The following USP25 variants were observed in gnomAD, a reference collection of about 807,000 sequenced individuals.
USP25 encodes the protein ubiquitin carboxyl-terminal hydrolase 25.
Under a neutral mutation model 158.5 loss-of-function variants are expected in USP25, and 85 were observed. The observed-to-expected ratio is 0.54, with a 90% CI of 0.45 to 0.64. The LOEUF (loss-of-function observed/expected upper bound fraction) is 0.64, where lower values mean the gene tolerates loss of function less well. Ranked by LOEUF, USP25 falls within the 30% of genes least tolerant of loss-of-function variation. The pLI, the probability that USP25 is intolerant of heterozygous loss-of-function variation, is 0.00. For missense variants in USP25, 1,242 were observed against 1,327.3 expected, an observed-to-expected ratio of 0.94 and a Z score of 1.00; for synonymous variants, 464 against 460.4, an observed-to-expected ratio of 1.01 and a Z score of -0.10.
At chr21:15,861,877 G>A (rs1243328644) in intron 20 of USP25, among the ~76,000 whole-genome samples, 1 of 152,040 alleles carries the variant, frequency 6.6e-6, no homozygotes, top group East Asian at 1.9e-4. Context: ...ACCTCTGCTG[G>A]TTTAAACACC....
chr21:15,874,476 A>G lies in USP25; in HGVS notation c.2959A>G (p.Arg987Gly), dbSNP rs2040020848. ...AGAACTCTTGTCTAAAGGCTTATAC[A>G]GAGGACATGATGAAGAATTGATATC... is the stretch of plus-strand genomic sequence containing the variant. The part of the protein sequence containing the change: ...NKELLSKGLY[R>G]GHDEELISHY... Residue 987 changes from arginine to glycine, a missense_variant, in exon 24 of 26, where the codon AGA becomes GGA. Around this residue, in one of 3 missense-constraint regions of USP25, gnomAD observed 608 missense variants for 605.2 expected, o/e 1.00. Transcript: ENST00000400183. 4.3e-6 allele frequency: 7 copies of G among 1,610,806 alleles called. No homozygotes were observed. The African/African-American group carries it at 5.3e-5, about 12-fold the overall frequency.
intron 2 of USP25, among the ~76,000 whole-genome samples, chr21:15,764,482 C>A (rs951745071): frequency 4.0e-5 from 6 of 151,892 alleles, no homozygotes; most frequent in Admixed American, 3.3e-4. Flanking sequence ...TTAATTGTTG[C>A]CCATTATAAA....
intron 1 of USP25, chr21:15,745,022 T>A (rs930440520): frequency 6.6e-6 from 1 of 152,144 alleles, no homozygotes; most frequent in South Asian, 2.1e-4. Flanking sequence ...ACGGCCTCCA[T>A]CCCCGCCACT....
intron 17 of USP25, 122 bp downstream of exon 17, chr21:15,833,670 A>T (rs2037921762): frequency 1.1e-6 from 1 of 878,654 alleles, no homozygotes; most frequent in Non-Finnish European, 1.7e-6. Flanking sequence ...ATCATTTCAA[A>T]TTCCATCACT....
chr21:15,808,277 A>G (rs114435077), intron 7 of USP25, among the ~76,000 whole-genome samples: 1,766 of 152,310 alleles, frequency 0.012, 34 homozygotes, highest in African/African-American at 0.041. Context: ...GACCAAAGGC[A>G]TGGTGAAAGG....
At chr21:15,824,687 G>A (rs2037408477) in intron 11 of USP25, among the ~76,000 whole-genome samples, 1 of 152,052 alleles carries the variant, frequency 6.6e-6, no homozygotes, top group Non-Finnish European at 1.5e-5. Flanking sequence ...TGCGATCTTG[G>A]CTCACTGCAA....
rs114286599 is a variant in USP25, at chr21:15,819,144, C to T, written c.1080+298C>T. On this transcript the variant is annotated intron_variant, in intron 10 of 25. Coordinates refer to ENST00000400183, the MANE Select transcript of USP25 (RefSeq NM_001283041.3). ...CCAGCCATTAGCAGCATGCTAGTTC[C>T]TCGATATAAAGAAGAAAAATCCTGA... Among the ~76,000 whole-genome samples, 314 of 152,204 alleles carry T rather than the reference C, an allele frequency of 2.1e-3. 1 individual carries two copies. The highest frequency in any genetic ancestry group is 7.3e-3 in the African/African-American group (303 of 41,544).
intron 9 of USP25, among the ~76,000 whole-genome samples, chr21:15,813,601 C>T (rs2036783947): frequency 6.6e-6 from 1 of 152,094 alleles, no homozygotes; most frequent in Non-Finnish European, 1.5e-5. Flanking sequence ...TTCGTTTTTT[C>T]TTGGCTTTTG....
chr21:15,837,632 A>G (rs2038119135), intron 17 of USP25, among the ~76,000 whole-genome samples: 2 of 152,204 alleles, frequency 1.3e-5, no homozygotes, highest in South Asian at 4.1e-4. Context: ...CCGAGTTACT[A>G]TTTTACTTAT....
chr21:15,764,881 TG>T (rs1388596798), intron 2 of USP25, among the ~76,000 whole-genome samples: 1 of 152,070 alleles, frequency 6.6e-6, no homozygotes, highest in East Asian at 1.9e-4. Flanking sequence ...CAACTGGAAT[TG>T]GGGTAGGTCT....
At chr21:15,865,602 C>T (rs2039621144) in intron 21 of USP25, among the ~76,000 whole-genome samples, 1 of 152,024 alleles carries the variant, frequency 6.6e-6, no homozygotes, top group African/African-American at 2.4e-5. Context: ...TTGTTGTGAC[C>T]CTCGTTATCT....
chr21:15,872,766 A>G (rs1211894239), intron 23 of USP25, among the ~76,000 whole-genome samples: 2 of 152,194 alleles, frequency 1.3e-5, no homozygotes, highest in Non-Finnish European at 2.9e-5. Flanking sequence ...GAATGTATAC[A>G]TTAATTTTTA....
chr21:15,804,321 A>G (rs1026112773), intron 6 of USP25, among the ~76,000 whole-genome samples: 4 of 151,578 alleles, frequency 2.6e-5, no homozygotes, highest in African/African-American at 9.7e-5. Flanking sequence ...TTTCAGAGGA[A>G]TATTAGGAGG....
Position 15,743,131 on chromosome 21 carries a change from G to T in USP25, c.45+12693G>T, listed in dbSNP as rs191063229. Among the ~76,000 whole-genome samples the T allele has an allele frequency of 2.6e-5, 4 of 152,280 alleles. No individual in the cohort carries two copies. In the East Asian group the frequency reaches 7.7e-4, roughly 29 times the overall value. Reference sequence around the variant, plus strand: ...GTTAGAGCTTGTTTATTCCTGCTGCGCATGGCTTTGTGAATGGGGGTGTAT... The same window carrying T: ...GTTAGAGCTTGTTTATTCCTGCTGCTCATGGCTTTGTGAATGGGGGTGTAT... On this transcript the variant is annotated intron_variant, in intron 1 of 25. Coordinates refer to ENST00000400183, the MANE Select transcript of USP25 (RefSeq NM_001283041.3).
Position 15,839,431 on chromosome 21 carries a change from G to A in USP25, c.2195-2967G>A, listed in dbSNP as rs184076008. 9.9e-5 allele frequency among the ~76,000 whole-genome samples: 15 copies of A among 152,270 alleles called. No homozygotes were observed. In the East Asian group the frequency reaches 2.3e-3, roughly 24 times the overall value. On this transcript the variant is annotated intron_variant, in intron 17 of 25. Coordinates refer to ENST00000400183, the MANE Select transcript of USP25 (RefSeq NM_001283041.3). ...GAAATAGAAATTACTAAAGTGTATG[G>A]TAGGGTATTAGTTGCGTGAGCCTTC...
chr21:15,807,844 G>T (rs919522790), intron 7 of USP25, among the ~76,000 whole-genome samples: 1 of 152,082 alleles, frequency 6.6e-6, no homozygotes, highest in Non-Finnish European at 1.5e-5. Flanking sequence ...ATATATTTTT[G>T]CAGGCTACTA....
At chr21:15,788,796 A>T (rs933577453) in intron 4 of USP25, among the ~76,000 whole-genome samples, 3 of 152,104 alleles carry the variant, frequency 2.0e-5, no homozygotes, top group Non-Finnish European at 4.4e-5. Context: ...TTTTGTTAAC[A>T]GTGAATGACA....
At chr21:15,789,509 A>G (rs1030007916) in intron 4 of USP25, among the ~76,000 whole-genome samples, 1 of 152,094 alleles carries the variant, frequency 6.6e-6, no homozygotes, top group Non-Finnish European at 1.5e-5. Context: ...TTCATATGCT[A>G]TAGATTCAGG....
intron 1 of USP25, among the ~76,000 whole-genome samples, chr21:15,737,327 G>A (rs1279741136): frequency 6.6e-6 from 1 of 152,022 alleles, no homozygotes; most frequent in Non-Finnish European, 1.5e-5. Context: ...TGGTTCTGAA[G>A]TACACATAAT....
Sources: allele counts gnomAD v4.1 joint callset (sites outside exome capture counted in the v4.1 genomes callset), GRCh38; gene constraint gnomAD v4.1.1; regional missense constraint gnomAD v4.1.1; transcripts MANE v1.5; gene names NCBI Gene and HGNC (gene_info 2026-07-23, HGNC 2026-07-21).